The following FAT4 variants were observed in gnomAD, a reference collection of about 807,000 sequenced individuals.
The protein encoded by FAT4 is protocadherin Fat 4.
In FAT4, 84 loss-of-function variants were observed where a neutral mutation model predicts 303.9. That is an observed-to-expected ratio of 0.28 (90% CI 0.23 to 0.33). The LOEUF is 0.33. Among genes scored for constraint, FAT4 ranks in the 10% least tolerant of loss-of-function variants. The probability of loss-of-function intolerance (pLI) is 1.00; values close to 1 mark genes in which losing one functional copy is unlikely to be tolerated. For missense variants in FAT4, 6,005 were observed against 6,146.8 expected (o/e 0.98, Z 0.77); for synonymous variants, 2,307 against 2,298.8 (o/e 1.00, Z -0.10).
intron 2 of FAT4, among the ~76,000 whole-genome samples, chr4:125,382,467 C>T (rs189901816): frequency 7.0e-4 from 107 of 152,290 alleles, no homozygotes; most frequent in African/African-American, 2.5e-3. Flanking sequence ...ATCTTTTTTA[C>T]TGAGCAGTAA....
intron 2 of FAT4, among the ~76,000 whole-genome samples, chr4:125,351,839 A>T (rs1364463972): frequency 2.0e-5 from 3 of 151,658 alleles, no homozygotes; most frequent in African/African-American, 7.2e-5. Context: ...CCTAAGAAAG[A>T]TGAATTCTTC....
Position 125,321,380 on chromosome 4 carries a change from A to G in FAT4, c.4969A>G (p.Arg1657Gly). The change falls in exon 2 of 18, where the codon AGA becomes GGA. Residue 1657 changes from arginine to glycine, a missense_variant. By Grantham distance (125) the Arg-to-Gly change is moderately radical (BLOSUM62 -2). Coordinates refer to ENST00000394329, the MANE Select transcript of FAT4 (RefSeq NM_001291303.3). ...NVISIEAASP[R>G]GSEAPVEYYI... ...GATATCAATAGAAGCAGCTAGCCCC[A>G]GAGGATCTGAGGCCCCAGTGGAGTA... 1 of 1,614,168 alleles carries G rather than the reference A, an allele frequency of 6.2e-7. No homozygotes were observed. Among genetic ancestry groups the G allele is most frequent in the South Asian group, 1.1e-5 (1 of 91,080 alleles).
At position 125,449,621 on chromosome 4, in the gene FAT4, G is replaced by T. The variant is rs1725970810; in HGVS notation, c.8611G>T (p.Ala2871Ser). The T allele has an allele frequency of 2.5e-6, 4 of 1,613,912 alleles. No homozygotes were observed. Among genetic ancestry groups the T allele is most frequent in the Non-Finnish European group, 2.5e-6 (3 of 1,179,920 alleles). ...TIFVTDINDNAPRFSRTSYYL... is the reference protein window; with the variant it reads ...TIFVTDINDNSPRFSRTSYYL... ...ATTTGTGACAGACATCAATGACAATGCTCCAAGATTTAGCAGAACTTCCTA... is the reference window on the plus strand; with the variant it reads ...ATTTGTGACAGACATCAATGACAATTCTCCAAGATTTAGCAGAACTTCCTA... Residue 2871 changes from alanine to serine, a missense_variant, in exon 10 of 18, where the codon GCT becomes TCT. Ala to Ser is a moderately conservative substitution (Grantham distance 99, BLOSUM62 1). Transcript: ENST00000394329.
chr4:125,365,699 G>A (rs1578563363), intron 2 of FAT4, among the ~76,000 whole-genome samples: 1 of 152,156 alleles, frequency 6.6e-6, no homozygotes, highest in African/African-American at 2.4e-5. Flanking sequence ...AAGAAATAAA[G>A]TATATGATAA....
intron 2 of FAT4, among the ~76,000 whole-genome samples, chr4:125,335,774 C>T (rs1489958299): frequency 2.0e-5 from 3 of 151,262 alleles, no homozygotes; most frequent in African/African-American, 4.9e-5. Flanking sequence ...TAGTTTTGTT[C>T]AAATACTGGC....
Position 125,319,689 on chromosome 4 carries a change from T to C in FAT4, c.3278T>C (p.Val1093Ala). 3.1e-6 allele frequency: 5 copies of C among 1,614,116 alleles called. No homozygotes were observed. Among genetic ancestry groups the C allele is most frequent in the Non-Finnish European group, 4.2e-6 (5 of 1,179,930 alleles). The change falls in exon 2 of 18, where the codon GTA becomes GCA. Residue 1093 changes from valine to alanine, a missense_variant. Transcript: ENST00000394329. The part of the protein sequence containing the change: ...TVNVTVILED[V>A]NDNRPLFNST... ...AATGTTACTGTAATTTTAGAAGATG[T>C]AAATGATAACAGACCTCTTTTTAAC...
At chr4:125,479,532 A>T (rs571512583) in intron 14 of FAT4, among the ~76,000 whole-genome samples, 4 of 152,136 alleles carry the variant, frequency 2.6e-5, no homozygotes, top group South Asian at 4.2e-4. Context: ...ATAAGACATA[A>T]TTTTTTTTGA....
chr4:125,345,825 G>A (rs1341718150), intron 2 of FAT4, among the ~76,000 whole-genome samples: 4 of 151,962 alleles, frequency 2.6e-5, no homozygotes, highest in African/African-American at 7.2e-5. Context: ...TGTTAACCAG[G>A]TAGATTTTTC....
intron 10 of FAT4, among the ~76,000 whole-genome samples, chr4:125,453,827 A>G (rs1726184724): frequency 6.6e-6 from 1 of 152,250 alleles, no homozygotes; most frequent in Non-Finnish European, 1.5e-5. Flanking sequence ...AGAAAGCAGC[A>G]TTAAACATAG....
At chr4:125,383,817 T>C (rs1002301824) in intron 2 of FAT4, among the ~76,000 whole-genome samples, 5 of 152,094 alleles carry the variant, frequency 3.3e-5, no homozygotes, top group African/African-American at 1.2e-4. Context: ...TCTTAAGAGG[T>C]ACCTCTTTAA....
chr4:125,339,397 C>T (rs966055640), intron 2 of FAT4, among the ~76,000 whole-genome samples: 12 of 151,960 alleles, frequency 7.9e-5, no homozygotes, highest in Non-Finnish European at 1.8e-4. Context: ...GGGGTTTCAC[C>T]GTGTTAGCCA....
intron 15 of FAT4, 85 bp from the exon 16 acceptor site, chr4:125,481,436 T>G (rs1030807295): frequency 5.2e-6 from 6 of 1,164,200 alleles, no homozygotes; most frequent in East Asian, 2.4e-5. Flanking sequence ...TTCATTGTCC[T>G]TTTTATATTT....
At chr4:125,374,368 T>G (rs567270917) in intron 2 of FAT4, among the ~76,000 whole-genome samples, 1 of 152,164 alleles carries the variant, frequency 6.6e-6, no homozygotes, top group African/African-American at 2.4e-5. Context: ...GAAGCATCAG[T>G]GTATTAGTGT....
intron 7 of FAT4, among the ~76,000 whole-genome samples, chr4:125,428,550 G>A (rs1725172275): frequency 1.3e-5 from 2 of 152,140 alleles, no homozygotes; most frequent in South Asian, 4.1e-4. Context: ...AATTTGGTTT[G>A]TGTAAATTTT....
At chr4:125,393,513 G>A (rs1734049481) in intron 2 of FAT4, among the ~76,000 whole-genome samples, 1 of 152,062 alleles carries the variant, frequency 6.6e-6, no homozygotes, top group Admixed American at 6.6e-5. Context: ...GTAGTTGTAT[G>A]CTGAAACATT....
intron 10 of FAT4, among the ~76,000 whole-genome samples, chr4:125,458,202 G>T (rs1726354205): frequency 6.6e-6 from 1 of 151,952 alleles, no homozygotes; most frequent in Non-Finnish European, 1.5e-5. Flanking sequence ...GTTTTCCTAT[G>T]TTCTCAATTA....
chr4:125,453,427 G>A, intron 10 of FAT4, among the ~76,000 whole-genome samples: 1 of 152,046 alleles, frequency 6.6e-6, no homozygotes. Flanking sequence ...TGTGTTATTG[G>A]GCCAGGCAAG....
At chr4:125,396,930 A>G (rs201049920) in intron 2 of FAT4, among the ~76,000 whole-genome samples, 21 of 344 alleles carry the variant, frequency 0.061, no homozygotes, top group East Asian at 0.33. Context: ...GTGTGTGTAT[A>G]TATATATATA....
intron 2 of FAT4, among the ~76,000 whole-genome samples, chr4:125,385,902 A>G (rs1162812582): frequency 1.3e-5 from 2 of 152,174 alleles, no homozygotes; most frequent in Non-Finnish European, 2.9e-5. Context: ...GGTTTTGACA[A>G]TGAAAAATAG....
Sources: allele counts gnomAD v4.1 joint callset (sites outside exome capture counted in the v4.1 genomes callset), GRCh38; gene constraint gnomAD v4.1.1; transcripts MANE v1.5; gene names NCBI Gene and HGNC (gene_info 2026-07-23, HGNC 2026-07-21).